Variants in FHIT observed in about 807,000 individuals in gnomAD.
FHIT encodes fragile histidine triad diadenosine triphosphatase.
FHIT carries 19 observed loss-of-function variants against 17.9 expected under a neutral mutation model. That is an observed-to-expected ratio of 1.06 (90% CI 0.74 to 1.56). FHIT has a LOEUF of 1.56. Among genes scored for constraint, FHIT ranks in the 40% most tolerant of loss-of-function variants. The pLI is 0.00. For synonymous variants in FHIT, 81 were observed against 69.7 expected (o/e 1.16, Z -0.81); for missense variants, 248 against 189.2 (o/e 1.31, Z -1.82).
chr3:59,846,408 G>A (rs1304647677), intron 8 of FHIT, among the ~76,000 whole-genome samples: 1 of 151,814 alleles, frequency 6.6e-6, no homozygotes, highest in African/African-American at 2.4e-5. Context: ...CCTTTCTGTT[G>A]TTGATGTCAT....
intron 5 of FHIT, among the ~76,000 whole-genome samples, chr3:60,098,167 A>T (rs1373521529): frequency 1.5e-5 from 2 of 135,692 alleles, no homozygotes; most frequent in South Asian, 5.7e-4. Context: ...ATAGTGCCGC[A>T]ATAAACATAC....
chr3:60,040,754 G>T (rs1054610795), intron 5 of FHIT, among the ~76,000 whole-genome samples: 1 of 152,128 alleles, frequency 6.6e-6, no homozygotes, highest in African/African-American at 2.4e-5. Flanking sequence ...CTGGGGAGCT[G>T]GTCCTGGAGT....
intron 5 of FHIT, among the ~76,000 whole-genome samples, chr3:60,535,535 T>C (rs1231621591): frequency 6.6e-6 from 1 of 151,998 alleles, no homozygotes. Flanking sequence ...CAATACACAA[T>C]TGGTATTAAA....
At chr3:60,149,170 T>A (rs1193797864) in intron 5 of FHIT, among the ~76,000 whole-genome samples, 1 of 152,220 alleles carries the variant, frequency 6.6e-6, no homozygotes, top group African/African-American at 2.4e-5. Context: ...TAGGTGTTTC[T>A]TTGTTTTCTT....
At chr3:60,153,353 A>G (rs2107338179) in intron 5 of FHIT, among the ~76,000 whole-genome samples, 1 of 134,998 alleles carries the variant, frequency 7.4e-6, no homozygotes, top group South Asian at 2.5e-4. Flanking sequence ...ACTTTCACTC[A>G]CAATTCACCA....
At chr3:60,546,095 C>T (rs764432242) in intron 4 of FHIT, among the ~76,000 whole-genome samples, 1 of 150,872 alleles carries the variant, frequency 6.6e-6, no homozygotes, top group African/African-American at 2.4e-5. Context: ...CGTGTGTTCT[C>T]TTGAATTTTT....
chr3:60,002,059 G>T (rs765580362), intron 7 of FHIT, among the ~76,000 whole-genome samples: 1 of 152,022 alleles, frequency 6.6e-6, no homozygotes, highest in Non-Finnish European at 1.5e-5. Flanking sequence ...AAGAATATTT[G>T]GTGTGTTCAC....
At chr3:61,158,588 AC>A (rs1163348084) in intron 2 of FHIT, among the ~76,000 whole-genome samples, 1 of 152,094 alleles carries the variant, frequency 6.6e-6, no homozygotes, top group Non-Finnish European at 1.5e-5. Flanking sequence ...AGGCCAGAGC[AC>A]CTGGCAGAGT....
In FHIT at chr3:61,215,400, T is replaced by G. The variant is rs9868708; in HGVS notation, c.-212-14735A>C. Among the ~76,000 whole-genome samples, 6 of 151,942 alleles carry G rather than the reference T, an allele frequency of 3.9e-5. No homozygotes were observed. In the East Asian group the frequency reaches 9.7e-4, roughly 25 times the overall value. ...ACAGAAAGCCTCATCATGAGTGAACTCCCATTCACAATTGCTCCTAGGAAT... is the reference window on the plus strand; with the variant it reads ...ACAGAAAGCCTCATCATGAGTGAACGCCCATTCACAATTGCTCCTAGGAAT... On this transcript the variant is annotated intron_variant, in intron 1 of 9. Transcript: ENST00000492590.
At chr3:60,960,784 A>G (rs183499290) in intron 3 of FHIT, among the ~76,000 whole-genome samples, 33 of 152,330 alleles carry the variant, frequency 2.2e-4, no homozygotes, top group African/African-American at 7.9e-4. Context: ...ATGGCTGCAT[A>G]GTATTCCATG....
chr3:60,226,877 T>A (rs1254291862), intron 5 of FHIT, among the ~76,000 whole-genome samples: 2 of 151,396 alleles, frequency 1.3e-5, no homozygotes, highest in Non-Finnish European at 2.9e-5. Context: ...ATGTGAGCCA[T>A]TATCTTCTCC....
At chr3:60,384,148 A>T (rs570484213) in intron 5 of FHIT, among the ~76,000 whole-genome samples, 1 of 151,900 alleles carries the variant, frequency 6.6e-6, no homozygotes, top group Non-Finnish European at 1.5e-5. Flanking sequence ...CGTGCCTATA[A>T]TCCCAGCTAC....
chr3:59,816,876 C>T (rs572000018), intron 8 of FHIT, among the ~76,000 whole-genome samples: 2 of 152,292 alleles, frequency 1.3e-5, no homozygotes, highest in African/African-American at 4.8e-5. Flanking sequence ...TTCAGAAAAT[C>T]AGCATATTCC....
chr3:60,244,126 T>C (rs917373727), intron 5 of FHIT, among the ~76,000 whole-genome samples: 1 of 152,064 alleles, frequency 6.6e-6, no homozygotes, highest in Non-Finnish European at 1.5e-5. Flanking sequence ...ATCACAGCAA[T>C]TCTCAGGCAG....
chr3:61,088,155 T>TG (rs1331893491), intron 2 of FHIT, among the ~76,000 whole-genome samples: 1 of 152,144 alleles, frequency 6.6e-6, no homozygotes, highest in Non-Finnish European at 1.5e-5. Flanking sequence ...TCAAACATTA[T>TG]GGTCTCAGCT....
chr3:60,136,510 C>G (rs946889113), intron 5 of FHIT, among the ~76,000 whole-genome samples: 5 of 152,090 alleles, frequency 3.3e-5, no homozygotes, highest in Non-Finnish European at 7.4e-5. Flanking sequence ...AAATTCTTCC[C>G]CATTCTGTCT....
At chr3:60,130,931 GTT>G (rs1491290931) in intron 5 of FHIT, among the ~76,000 whole-genome samples, 8 of 130,568 alleles carry the variant, frequency 6.1e-5, no homozygotes, top group African/African-American at 1.6e-4. Flanking sequence ...ATACATATAT[GTT>G]TATATATATA....
At chr3:60,276,045 T>C (rs1329043736) in intron 5 of FHIT, among the ~76,000 whole-genome samples, 1 of 151,390 alleles carries the variant, frequency 6.6e-6, no homozygotes, top group Non-Finnish European at 1.5e-5. Flanking sequence ...TGGAGTGCAG[T>C]GGCATGATCT....
intron 2 of FHIT, among the ~76,000 whole-genome samples, chr3:61,052,186 A>G (rs1316757467): frequency 6.6e-6 from 1 of 152,242 alleles, no homozygotes; most frequent in Non-Finnish European, 1.5e-5. Flanking sequence ...TTACGCACCA[A>G]GTACCACACT....
Sources: allele counts gnomAD v4.1 joint callset (sites outside exome capture counted in the v4.1 genomes callset), GRCh38; gene constraint gnomAD v4.1.1; transcripts MANE v1.5; gene names NCBI Gene and HGNC (gene_info 2026-07-23, HGNC 2026-07-21).